BBS9: variants seen among roughly 807,000 people sequenced by gnomAD.
The protein encoded by BBS9 is protein PTHB1.
Under a neutral mutation model 117.7 loss-of-function variants are expected in BBS9, and 89 were observed. That is an observed-to-expected ratio of 0.76 (90% CI 0.64 to 0.90). The LOEUF (loss-of-function observed/expected upper bound fraction) is 0.90, where lower values mean the gene tolerates loss of function less well. BBS9 is among the 40% of genes least tolerant of loss of function. The pLI, the probability that BBS9 is intolerant of heterozygous loss-of-function variation, is 0.00. For missense variants in BBS9, 982 were observed against 1,042.2 expected (o/e 0.94, Z 0.80); for synonymous variants, 379 against 370.9 (o/e 1.02, Z -0.25).
intron 16 of BBS9, among the ~76,000 whole-genome samples, chr7:33,364,980 C>G (rs1034099709): frequency 6.6e-6 from 1 of 151,832 alleles, no homozygotes; most frequent in Non-Finnish European, 1.5e-5. Context: ...GTGCCTGCCT[C>G]GGCCTCCCAG....
intron 5 of BBS9, among the ~76,000 whole-genome samples, chr7:33,185,411 G>A (rs962631912): frequency 3.3e-5 from 5 of 152,064 alleles, no homozygotes; most frequent in African/African-American, 1.2e-4. Context: ...ATTTCCTTAG[G>A]ATAGAGTGGA....
chr7:33,293,842 C>T (rs913949921), intron 9 of BBS9, among the ~76,000 whole-genome samples: 2 of 152,010 alleles, frequency 1.3e-5, no homozygotes, highest in Admixed American at 6.5e-5. Context: ...CATTATATAC[C>T]TCTTTATTTC....
At chr7:33,261,926 G>A (rs1460019354) in intron 6 of BBS9, among the ~76,000 whole-genome samples, 1 of 152,130 alleles carries the variant, frequency 6.6e-6, no homozygotes, top group African/African-American at 2.4e-5. Context: ...ACTTTTTTGT[G>A]TAGCTTATGT....
intron 5 of BBS9, among the ~76,000 whole-genome samples, chr7:33,256,333 A>T (rs1467509855): frequency 1.3e-5 from 2 of 152,210 alleles, no homozygotes; most frequent in East Asian, 3.8e-4. Flanking sequence ...AATGGTTCAG[A>T]TGTATGTTTA....
chr7:33,403,257 C>G (rs1171059244), intron 19 of BBS9, among the ~76,000 whole-genome samples: 1 of 150,350 alleles, frequency 6.7e-6, no homozygotes, highest in African/African-American at 2.4e-5. Context: ...TCTCCCCACT[C>G]TAATACTCCC....
chr7:33,161,887 T>C (rs1376253504), intron 4 of BBS9, among the ~76,000 whole-genome samples: 2 of 152,230 alleles, frequency 1.3e-5, no homozygotes, highest in Non-Finnish European at 2.9e-5. Context: ...ATGAGCATTT[T>C]TTCATGTGTC....
chr7:33,145,818 C>T (rs1050167442), intron 1 of BBS9, among the ~76,000 whole-genome samples: 7 of 152,114 alleles, frequency 4.6e-5, no homozygotes, highest in African/African-American at 1.4e-4. Context: ...GGTCTTGGAA[C>T]CAATCTTCCA....
At chr7:33,156,738 C>T (rs1794145910) in intron 4 of BBS9, among the ~76,000 whole-genome samples, 1 of 152,144 alleles carries the variant, frequency 6.6e-6, no homozygotes, top group African/African-American at 2.4e-5. Context: ...TATTACTCTT[C>T]ACCATGTTCT....
intron 19 of BBS9, among the ~76,000 whole-genome samples, chr7:33,485,789 A>G (rs1843035633): frequency 6.6e-6 from 1 of 152,210 alleles, no homozygotes; most frequent in African/African-American, 2.4e-5. Context: ...TAAATAATTG[A>G]TTAGGTGTGA....
intron 20 of BBS9, among the ~76,000 whole-genome samples, chr7:33,510,835 A>G (rs1315973593): frequency 3.3e-5 from 5 of 152,314 alleles, no homozygotes; most frequent in East Asian, 1.9e-4. Context: ...AAGAGAAAAA[A>G]CATCTTATCA....
chr7:33,437,870 C>G (rs570760093), intron 19 of BBS9, among the ~76,000 whole-genome samples: 1 of 152,096 alleles, frequency 6.6e-6, no homozygotes, highest in South Asian at 2.1e-4. Context: ...AGTGAGACTC[C>G]GTTGCAAAAA....
At chr7:33,152,072 A>G (rs529345965) in intron 2 of BBS9, among the ~76,000 whole-genome samples, 1 of 152,192 alleles carries the variant, frequency 6.6e-6, no homozygotes, top group South Asian at 2.1e-4. Flanking sequence ...AAAGGACACT[A>G]ATTGAGTTTG....
At chr7:33,306,340 T>C (rs969894321) in intron 9 of BBS9, among the ~76,000 whole-genome samples, 3 of 152,092 alleles carry the variant, frequency 2.0e-5, no homozygotes, top group Admixed American at 6.5e-5. Context: ...AAATCTATAA[T>C]GAAGGCCATC....
At chr7:33,351,669 T>A (rs1312074392) in intron 14 of BBS9, among the ~76,000 whole-genome samples, 1 of 152,172 alleles carries the variant, frequency 6.6e-6, no homozygotes, top group Non-Finnish European at 1.5e-5. Flanking sequence ...CAGCCATATC[T>A]GCGTTCTTAT....
intron 19 of BBS9, among the ~76,000 whole-genome samples, chr7:33,488,844 A>G (rs988180332): frequency 6.6e-6 from 1 of 152,170 alleles, no homozygotes; most frequent in Non-Finnish European, 1.5e-5. Context: ...ATTTCTGTCC[A>G]GAGGAAAGAA....
intron 5 of BBS9, among the ~76,000 whole-genome samples, chr7:33,238,756 TA>T: frequency 6.6e-6 from 1 of 152,300 alleles, no homozygotes; most frequent in Middle Eastern, 3.4e-3. Context: ...TTATATGCAG[TA>T]AAAGTGGATT....
intron 9 of BBS9, among the ~76,000 whole-genome samples, chr7:33,298,881 A>G (rs1213075087): frequency 6.6e-5 from 10 of 152,224 alleles, no homozygotes. Context: ...TGCAGTATAA[A>G]GGAACAAGTC....
At chr7:33,505,716 T>C (rs1275892454) in intron 20 of BBS9, 71 bp downstream of exon 20, 45 of 1,502,836 alleles carry the variant, frequency 3.0e-5, no homozygotes, top group Non-Finnish European at 3.9e-5. Context: ...AGATATCACA[T>C]GGCTATCAGG....
In BBS9 at chr7:33,257,369, C is replaced by G. The variant is rs769998778; in HGVS notation, c.576C>G (p.Ser192=). 2 of 1,613,944 alleles carry G rather than the reference C, an allele frequency of 1.2e-6. No individual in the cohort carries two copies. Among genetic ancestry groups the G allele is most frequent in the South Asian group, 2.2e-5 (2 of 91,080 alleles). ...TTGCCTACAGTTCCCGTACAGATTCCTTCCTTACTGTCTCTTCCTGCCAAC... is the reference window on the plus strand; with the variant it reads ...TTGCCTACAGTTCCCGTACAGATTCGTTCCTTACTGTCTCTTCCTGCCAAC... ...GPLAYSSRTD[S]FLTVSSCQQV... The change falls in exon 6 of 23, where the codon TCC becomes TCG. Residue 192 remains serine, a synonymous_variant. Coordinates refer to ENST00000242067, the MANE Select transcript of BBS9 (RefSeq NM_198428.3).
Sources: gnomAD v4.1 joint callset for allele counts (sites outside exome capture counted in the v4.1 genomes callset) on GRCh38, gnomAD v4.1.1 for gene constraint, MANE v1.5 for transcripts, NCBI Gene and HGNC (gene_info 2026-07-23, HGNC 2026-07-21) for gene names.